Variants in PLEC observed in about 807,000 individuals in gnomAD.
PLEC encodes plectin.
PLEC carries 216 observed loss-of-function variants against 392.8 expected under a neutral mutation model. The ratio of observed to expected loss-of-function variants is 0.55; its 90% CI spans 0.49 to 0.62. The LOEUF (loss-of-function observed/expected upper bound fraction) is 0.62, where lower values mean the gene tolerates loss of function less well. PLEC is among the 20% of genes least tolerant of loss of function. The pLI is 0.00. For synonymous variants in PLEC, 3,621 were observed against 2,980.6 expected (o/e 1.21, Z -7.00); for missense variants, 6,863 against 6,563.4 (o/e 1.05, Z -1.58).
Position 143,939,392 on chromosome 8 carries a change from T to C in PLEC, c.70A>G (p.Asn24Asp), listed in dbSNP as rs781985557. 2 of 1,612,774 alleles carry C rather than the reference T, an allele frequency of 1.2e-6. No individual in the cohort carries two copies. Among genetic ancestry groups the C allele is most frequent in the Non-Finnish European group, 1.7e-6 (2 of 1,179,786 alleles). Residue 24 changes from asparagine (N) to aspartate (D), a missense_variant, in exon 1 of 32, where the codon AAC (asparagine) becomes GAC (aspartate). Asn to Asp is a conservative substitution (Grantham distance 23, BLOSUM62 1). Coordinates refer to ENST00000345136, the MANE Select transcript of PLEC (RefSeq NM_201384.3). The stretch of plus-strand genomic sequence containing the variant: ...GCCCTGAGCACAGCCAGGTACAGGT[T>C]GTCCTCCGAGCTGGTTCTCTTTCGG... ...LGRKRTSSED[N>D]LYLAVLRASE...
chr8:143,925,309 C>T lies in PLEC; in HGVS notation c.4620G>A (p.Glu1540=), dbSNP rs1554701903. 5 of 1,569,990 alleles carry T rather than the reference C, an allele frequency of 3.2e-6. No individual in the cohort carries two copies. Among genetic ancestry groups the T allele is most frequent in the Non-Finnish European group, 4.3e-6 (5 of 1,166,336 alleles). The change falls in exon 31 of 32, where the codon GAG becomes GAA. Residue 1540 remains glutamate, a synonymous_variant. Transcript: ENST00000345136. ...CCGCCTCCTCCGCCTGCAGCCGCAG[C>T]TCCTCCAGGGCCTGCAGGGCCCGCT... ...EKQRALQALE[E]LRLQAEEAER...
upstream of PLEC, chr8:143,953,815 G>C (rs782499442): frequency 1.2e-6 from 2 of 1,609,828 alleles, no homozygotes; most frequent in Non-Finnish European, 1.7e-6. Flanking sequence ...ACCAGGCAGA[G>C]TCCAGCCCCG....
intron 1 of PLEC, among the ~76,000 whole-genome samples, chr8:143,959,411 T>C (rs1480994091): frequency 6.6e-6 from 1 of 152,252 alleles, no homozygotes; most frequent in East Asian, 1.9e-4. Context: ...TCAGAGCTGA[T>C]GCAGGGAACG....
In PLEC at chr8:143,930,086, GC is replaced by G. The variant is rs781896219; in HGVS notation, c.2613-25del. ...GCCTGGCAGGTCAGGGCTACAGTCA[GC>G]GTCACCAGCGCCCCACCCGCCTTCC... On this transcript the variant is annotated intron_variant, in intron 21 of 31. Coordinates refer to ENST00000345136, the MANE Select transcript of PLEC (RefSeq NM_201384.3). 19 of 1,605,966 alleles carry G rather than the reference GC, an allele frequency of 1.2e-5. No homozygotes were observed. In the Middle Eastern group the frequency reaches 1.5e-3, roughly 127 times the overall value.
chr8:143,920,159 T>G lies in PLEC; in HGVS notation c.9662A>C (p.Gln3221Pro). 6.2e-7 allele frequency: 1 copy of G among 1,612,640 alleles called. No individual in the cohort carries two copies. The highest frequency in any genetic ancestry group is 1.1e-5 in the South Asian group (1 of 91,082). ...PLSEKAARAR[Q>P]EELYSELQAR... ...CTGCAGCTCTGAGTAGAGCTCCTCC[T>G]GCCGGGCCCGAGCAGCCTTTTCTGA... Residue 3221 changes from glutamine (Q) to proline (P), a missense_variant, in exon 32 of 32, where the codon CAG (glutamine) becomes CCG (proline). Transcript: ENST00000345136.
At chr8:143,952,538 T>C (rs550521103), upstream of PLEC, among the ~76,000 whole-genome samples, 1 of 152,232 alleles carries the variant, frequency 6.6e-6, no homozygotes, top group South Asian at 2.1e-4. Context: ...CCCTACCCTC[T>C]TGGCCAGTCC....
Position 143,927,608 on chromosome 8 carries a change from C to T in PLEC, c.3558G>A (p.Glu1186=), listed in dbSNP as rs782819815. Residue 1186 remains glutamate (E), a synonymous_variant, in exon 27 of 32, where the codon GAG becomes GAA. Transcript: ENST00000345136. Reference sequence around the variant, plus strand: ...TCTGGGCCAGCACAGCCTGCCAGCGCTCAAGCAACTGGGCGACCCGCTCCC... The same window carrying T: ...TCTGGGCCAGCACAGCCTGCCAGCGTTCAAGCAACTGGGCGACCCGCTCCC... ...RWRERVAQLL[E]RWQAVLAQTD... 14 of 1,587,444 alleles carry T rather than the reference C, an allele frequency of 8.8e-6. No individual in the cohort carries two copies. The highest frequency in any genetic ancestry group is 4.5e-5 in the South Asian group (4 of 89,496).
At position 143,921,382 on chromosome 8, in the gene PLEC, G is replaced by T. The variant is rs201932982; in HGVS notation, c.8439C>A (p.Gly2813=). 6.2e-7 allele frequency: 1 copy of T among 1,613,336 alleles called. No individual in the cohort carries two copies. The highest frequency in any genetic ancestry group is 8.5e-7 in the Non-Finnish European group (1 of 1,179,792). ...GGCTGTGCACGGGGTCGATAACGCC[G>T]CCCGTGGCGATCTGGGCCTCCAGCA... ...IRLLEAQIAT[G]GVIDPVHSHR... The change falls in exon 32 of 32, where the codon GGC becomes GGA. Residue 2813 remains glycine (G), a synonymous_variant. Coordinates refer to ENST00000345136, the MANE Select transcript of PLEC (RefSeq NM_201384.3).
At position 143,924,962 on chromosome 8, in the gene PLEC, C is replaced by T. The variant is rs781892248; in HGVS notation, c.4967G>A (p.Ser1656Asn). The T allele has an allele frequency of 6.3e-7, 1 of 1,580,278 alleles. No homozygotes were observed. Among genetic ancestry groups the T allele is most frequent in the Non-Finnish European group, 8.5e-7 (1 of 1,171,478 alleles). ...CTTCTCAGCCTCGGCCTGCGCCAGG[C>T]TCTTCTGCTGCGCCACCTCCTCCGC... ...LQAEEVAQQKSLAQAEAEKQK... is the reference protein window; with the variant it reads ...LQAEEVAQQKNLAQAEAEKQK... Residue 1656 changes from serine to asparagine, a missense_variant, in exon 31 of 32, where the codon AGC becomes AAC. Coordinates refer to ENST00000345136, the MANE Select transcript of PLEC (RefSeq NM_201384.3).
rs1554711937 is a variant in PLEC at position 143,929,765 on chromosome 8, G to T, written c.2804C>A (p.Ala935Asp). Reference sequence around the variant, plus strand: ...CGCGTCCTGGCTGTCCCGCAGGAAGGCCTGGTAGTGCAGCTCCAGGCTGTG... The same window carrying T: ...CGCGTCCTGGCTGTCCCGCAGGAAGTCCTGGTAGTGCAGCTCCAGGCTGTG... ...ALHSLELHYQ[A>D]FLRDSQDAGG... The change falls in exon 23 of 32, where the codon GCC (alanine) becomes GAC (aspartate). Residue 935 changes from alanine to aspartate, a missense_variant. Physicochemically the swap from Ala to Asp is moderately radical, Grantham distance 126 (BLOSUM62 -2). Transcript: ENST00000345136. The T allele has an allele frequency of 1.2e-6, 2 of 1,600,232 alleles. No homozygotes were observed. The highest frequency in any genetic ancestry group is 1.3e-5 in the African/African-American group (1 of 74,898).
At chr8:143,932,758 C>T (rs1554718049) in intron 14 of PLEC, 35 bp downstream of exon 14, 1 of 1,609,618 alleles carries the variant, frequency 6.2e-7, no homozygotes, top group Non-Finnish European at 8.5e-7. Context: ...GGGCCCGGCC[C>T]ACCCCCGCAC....
At chr8:143,967,160 G>A (rs1006993373) in intron 1 of PLEC, among the ~76,000 whole-genome samples, 2 of 151,648 alleles carry the variant, frequency 1.3e-5, no homozygotes, top group Non-Finnish European at 2.9e-5. Flanking sequence ...TCAGGAGATC[G>A]AGACTGTCCT....
At chr8:143,926,470 G>A (rs189574588) in intron 30 of PLEC, among the ~76,000 whole-genome samples, 232 of 152,350 alleles carry the variant, frequency 1.5e-3, no homozygotes, top group African/African-American at 5.3e-3. Context: ...AGGGTTGAGC[G>A]GAAAGGCCAA....
intron 30 of PLEC, 42 bp downstream of exon 30, chr8:143,926,742 G>A: frequency 6.7e-7 from 1 of 1,502,546 alleles, no homozygotes; most frequent in Non-Finnish European, 9.3e-7. Context: ...AACAGGTGGT[G>A]AGATGGAACC....
Position 143,922,095 on chromosome 8 carries a change from G to A in PLEC, c.7726C>T (p.Leu2576=), listed in dbSNP as rs11988293. 0.01 allele frequency: 15,899 copies of A among 1,564,176 alleles called. 1,400 individuals carry two copies. The African/African-American group carries it at 0.19, about 19-fold the overall frequency. The part of the protein sequence containing the change: ...VRRKQEELQQ[L]EQQRRQQEEL... ...TCCTGCTGCCGCCGCTGCTGCTCCAGCTGCTGCAGCTCCTCCTGCTTGCGC... is the reference window on the plus strand; with the variant it reads ...TCCTGCTGCCGCCGCTGCTGCTCCAACTGCTGCAGCTCCTCCTGCTTGCGC... The change falls in exon 32 of 32, where the codon CTG becomes TTG. Residue 2576 remains leucine, a synonymous_variant. Coordinates refer to ENST00000345136, the MANE Select transcript of PLEC (RefSeq NM_201384.3).
In PLEC at chr8:143,920,527, G is replaced by C. The variant is rs376753842; in HGVS notation, c.9294C>G (p.Ala3098=). The change falls in exon 32 of 32, where the codon GCC becomes GCG. Residue 3098 remains alanine (A), a synonymous_variant. Coordinates refer to ENST00000345136, the MANE Select transcript of PLEC (RefSeq NM_201384.3). ...GPEFHEKLLS[A]EKAVTGYRDP... The stretch of plus-strand genomic sequence containing the variant: ...CCCTGTACCCTGTCACAGCCTTCTC[G>C]GCTGATAGCAGCTTCTCATGAAACT... The C allele has an allele frequency of 2.5e-6, 4 of 1,611,294 alleles. No homozygotes were observed. The highest frequency in any genetic ancestry group is 3.4e-6 in the Non-Finnish European group (4 of 1,179,502).
chr8:143,939,785 G>A (rs960779293), upstream of PLEC, among the ~76,000 whole-genome samples: 25 of 151,770 alleles, frequency 1.6e-4, no homozygotes, highest in Admixed American at 4.6e-4. Flanking sequence ...CACCCACCCC[G>A]ACCACTGCAG....
At position 143,921,286 on chromosome 8, in the gene PLEC, G is replaced by A. The variant is rs1024252444; in HGVS notation, c.8535C>T (p.Asp2845=). ...AGAAGCCCTTGGTGTCGTCGCTGGGGTCCGCCAGGACGCGGTTCATCTCCT... is the reference window on the plus strand; with the variant it reads ...AGAAGCCCTTGGTGTCGTCGCTGGGATCCGCCAGGACGCGGTTCATCTCCT... ...FDEEMNRVLA[D]PSDDTKGFFD... Residue 2845 remains aspartate, a synonymous_variant, in exon 32 of 32, where the codon GAC becomes GAT. Coordinates refer to ENST00000345136, the MANE Select transcript of PLEC (RefSeq NM_201384.3). 2 of 1,614,088 alleles carry A rather than the reference G, an allele frequency of 1.2e-6. No homozygotes were observed. The highest frequency in any genetic ancestry group is 3.3e-5 in the Admixed American group (2 of 60,032).
Position 143,921,459 on chromosome 8 carries a change from G to A in PLEC, c.8362C>T (p.Leu2788Phe). The change falls in exon 32 of 32, where the codon CTC (leucine) becomes TTC (phenylalanine). Residue 2788 changes from leucine (L) to phenylalanine (F), a missense_variant. Transcript: ENST00000345136. ...AGGCCCTTCTGCATGGCTTGGAAGA[G>A]AGAGATCTGCTGGCCAGTGTAGGGG... is the stretch of plus-strand genomic sequence containing the variant. ...KDPYTGQQIS[L>F]FQAMQKGLIV... 1.9e-6 allele frequency: 3 copies of A among 1,613,334 alleles called. No homozygotes were observed. Among genetic ancestry groups the A allele is most frequent in the East Asian group, 2.2e-5 (1 of 44,872 alleles).
Sources: gnomAD v4.1 joint callset for allele counts (sites outside exome capture counted in the v4.1 genomes callset) on GRCh38, gnomAD v4.1.1 for gene constraint, MANE v1.5 for transcripts, NCBI Gene and HGNC (gene_info 2026-07-23, HGNC 2026-07-21) for gene names.